Variants in PDE11A observed in about 807,000 individuals in gnomAD.
PDE11A encodes the protein dual 3',5'-cyclic-AMP and -GMP phosphodiesterase 11A.
In PDE11A, 100 loss-of-function variants were observed where a neutral mutation model predicts 100.5. The ratio of observed to expected loss-of-function variants is 1.00; its 90% CI spans 0.85 to 1.18. PDE11A has a LOEUF of 1.18. PDE11A is among the 50% of genes most tolerant of loss of function. The pLI, the probability that PDE11A is intolerant of heterozygous loss-of-function variation, is 0.00. For missense variants in PDE11A, 1,141 were observed against 1,152.6 expected (o/e 0.99, Z 0.15); for synonymous variants, 381 against 420.8 (o/e 0.91, Z 1.16).
chr2:178,052,841 A>G (rs2086846202), intron 1 of PDE11A, among the ~76,000 whole-genome samples: 1 of 152,234 alleles, frequency 6.6e-6, no homozygotes, highest in Non-Finnish European at 1.5e-5. Flanking sequence ...GAATAGACCA[A>G]TAACAAGCTC....
chr2:177,835,513 C>A (rs993703342), intron 6 of PDE11A, among the ~76,000 whole-genome samples: 1 of 152,198 alleles, frequency 6.6e-6, no homozygotes, highest in East Asian at 1.9e-4. Context: ...GAGGTGACAG[C>A]GTGCTGGCAG....
At chr2:177,638,571 G>C (rs2080089000) in intron 19 of PDE11A, among the ~76,000 whole-genome samples, 1 of 152,148 alleles carries the variant, frequency 6.6e-6, no homozygotes, top group Admixed American at 6.6e-5. Flanking sequence ...ATCAGACATT[G>C]TAAAGTTTAT....
At chr2:177,733,250 T>C (rs570738570) in intron 10 of PDE11A, among the ~76,000 whole-genome samples, 1 of 152,334 alleles carries the variant, frequency 6.6e-6, no homozygotes, top group African/African-American at 2.4e-5. Flanking sequence ...AACTACTGAA[T>C]TAATAGCCAG....
At chr2:177,904,844 G>A (rs977396343) in intron 3 of PDE11A, among the ~76,000 whole-genome samples, 4 of 152,080 alleles carry the variant, frequency 2.6e-5, no homozygotes, top group Admixed American at 2.0e-4. Context: ...TTAAGCCATC[G>A]TGCCCAGCCA....
At chr2:177,774,782 T>C (rs1364594140) in intron 9 of PDE11A, among the ~76,000 whole-genome samples, 1 of 152,212 alleles carries the variant, frequency 6.6e-6, no homozygotes, top group Non-Finnish European at 1.5e-5. Flanking sequence ...ACATGAAGAT[T>C]TTCCCATATG....
chr2:177,776,149 G>C (rs529510264), intron 9 of PDE11A, among the ~76,000 whole-genome samples: 2 of 152,198 alleles, frequency 1.3e-5, no homozygotes, highest in Non-Finnish European at 2.9e-5. Flanking sequence ...CATAAAGTAA[G>C]CAATGTAGGT....
chr2:177,767,962 C>G (rs1033773892), intron 10 of PDE11A, among the ~76,000 whole-genome samples: 2 of 152,120 alleles, frequency 1.3e-5, no homozygotes, highest in African/African-American at 4.8e-5. Context: ...TTTAGTTGTT[C>G]TGTCTCCTCC....
intron 16 of PDE11A, chr2:177,675,939 G>C (rs1025357277): frequency 3.2e-6 from 1 of 315,466 alleles, no homozygotes; most frequent in Non-Finnish European, 6.1e-6. Flanking sequence ...TGATTGATGG[G>C]AACAAAAGAA....
chr2:177,839,533 G>T (rs187141975), intron 6 of PDE11A, among the ~76,000 whole-genome samples: 7 of 152,168 alleles, frequency 4.6e-5, no homozygotes, highest in African/African-American at 1.7e-4. Flanking sequence ...TCCCTCTCCA[G>T]TTTCATGGAT....
At position 178,046,493 on chromosome 2, in the gene PDE11A, C is replaced by A. The variant is rs13427846; in HGVS notation, c.912+25033G>T. Among the ~76,000 whole-genome samples, 1,496 of 152,174 alleles carry A rather than the reference C, an allele frequency of 9.8e-3. 20 individuals are homozygous for A. Among genetic ancestry groups the A allele is most frequent in the African/African-American group, 0.034 (1,423 of 41,528 alleles). On this transcript the variant is annotated intron_variant, in intron 1 of 19. Coordinates refer to ENST00000286063, the MANE Select transcript of PDE11A (RefSeq NM_016953.4). ...TATTGTAACCATCAATGTCTCCTTT[C>A]TACTTAGGTTTCTTGTTTGTTCGTT...
At chr2:177,882,478 T>A (rs1574248478) in intron 4 of PDE11A, among the ~76,000 whole-genome samples, 1 of 152,222 alleles carries the variant, frequency 6.6e-6, no homozygotes, top group South Asian at 2.1e-4. Context: ...TTAGTTTTAT[T>A]AATTTTAAAA....
intron 19 of PDE11A, among the ~76,000 whole-genome samples, chr2:177,650,630 T>C (rs992284710): frequency 2.6e-5 from 4 of 152,234 alleles, no homozygotes; most frequent in African/African-American, 9.6e-5. Context: ...GATTTCCTTT[T>C]AAAATTTTTT....
At chr2:177,764,762 A>G (rs1395701704) in intron 10 of PDE11A, among the ~76,000 whole-genome samples, 1 of 152,234 alleles carries the variant, frequency 6.6e-6, no homozygotes, top group Non-Finnish European at 1.5e-5. Context: ...GTAAATGTTA[A>G]TGAGGATTAA....
intron 2 of PDE11A, among the ~76,000 whole-genome samples, chr2:178,103,565 T>A (rs1172328177): frequency 6.6e-6 from 1 of 151,810 alleles, no homozygotes; most frequent in Non-Finnish European, 1.5e-5. Flanking sequence ...TAAAATAAAA[T>A]CCTTTTCAAA....
At chr2:177,947,239 C>T (rs1348953972) in intron 2 of PDE11A, among the ~76,000 whole-genome samples, 1 of 122,644 alleles carries the variant, frequency 8.2e-6, no homozygotes, top group Admixed American at 8.3e-5. Flanking sequence ...AGCCCCTCTG[C>T]CCGGCCACCA....
intron 13 of PDE11A, among the ~76,000 whole-genome samples, chr2:177,710,257 A>T (rs889242289): frequency 9.9e-5 from 15 of 151,758 alleles, no homozygotes; most frequent in Non-Finnish European, 4.4e-5. Context: ...ATGGGGATGG[A>T]CAGATAAGTT....
rs765837812 is a variant in PDE11A, at chr2:177,817,839, T to A, written c.1644+19A>T. 8.0e-7 allele frequency: 1 copy of A among 1,251,926 alleles called. No individual in the cohort carries two copies. The highest frequency in any genetic ancestry group is 1.7e-5 in the Admixed American group (1 of 58,212). The allele number at this position is 1,251,926 out of a possible 1,614,324, so 77.6% of individuals were successfully genotyped here. A position where few individuals can be genotyped will look rare whatever the true frequency, so the allele number is the denominator to read the frequency against. ...GGACTATTGATGACTCCACTTGGTT[T>A]ATAAATTTATTTTCTTACCTCAAAA... is the stretch of plus-strand genomic sequence containing the variant. On this transcript the variant is annotated intron_variant, in intron 8 of 19. Coordinates refer to ENST00000286063, the MANE Select transcript of PDE11A (RefSeq NM_016953.4).
rs1407352144 is a variant in PDE11A at position 177,853,808 on chromosome 2, G to T, written c.1368-13425C>A. On this transcript the variant is annotated intron_variant, in intron 5 of 19. Coordinates refer to ENST00000286063, the MANE Select transcript of PDE11A (RefSeq NM_016953.4). ...TGTATAGATATATATGTATATATGT[G>T]CATATATGTATATATATGTGTGTAT... Among the ~76,000 whole-genome samples, 5 of 138,084 alleles carry T rather than the reference G, an allele frequency of 3.6e-5. No homozygotes were observed. In the East Asian group the frequency reaches 6.1e-4, roughly 17 times the overall value. The allele number at this position is 138,084 out of a possible 152,430, so 90.6% of individuals were successfully genotyped here.
At chr2:177,922,316 G>C (rs1296118727) in intron 2 of PDE11A, among the ~76,000 whole-genome samples, 2 of 152,098 alleles carry the variant, frequency 1.3e-5, no homozygotes, top group Admixed American at 1.3e-4. Flanking sequence ...GTCCAAGACA[G>C]AACTCATAAT....
Sources: allele counts gnomAD v4.1 joint callset (sites outside exome capture counted in the v4.1 genomes callset), GRCh38; gene constraint gnomAD v4.1.1; transcripts MANE v1.5; gene names NCBI Gene and HGNC (gene_info 2026-07-23, HGNC 2026-07-21).